Variants in EXOC6B observed in about 807,000 individuals in gnomAD.
The protein encoded by EXOC6B is exocyst complex component 6B.
Under a neutral mutation model 113.5 loss-of-function variants are expected in EXOC6B, and 54 were observed. That is an observed-to-expected ratio of 0.48 (90% CI 0.38 to 0.60). The LOEUF is 0.60. Ranked by LOEUF, EXOC6B falls within the 20% of genes least tolerant of loss-of-function variation. The pLI, the probability that EXOC6B is intolerant of heterozygous loss-of-function variation, is 0.00. For synonymous variants in EXOC6B, 357 were observed against 339.0 expected, an observed-to-expected ratio of 1.05 and a Z score of -0.58; for missense variants, 797 against 977.5, an observed-to-expected ratio of 0.82 and a Z score of 2.46.
intron 18 of EXOC6B, among the ~76,000 whole-genome samples, chr2:72,413,341 TTTCTGACTCAGAAAGTC>T (rs1227674196): frequency 1.3e-5 from 2 of 151,864 alleles, no homozygotes; most frequent in African/African-American, 4.8e-5. Context: ...AATGCCCAAG[TTTCTGACTCAGAAAGTC>T]TGGTATAGGG....
chr2:72,437,030 C>T (rs1695919227), intron 18 of EXOC6B, among the ~76,000 whole-genome samples: 1 of 152,138 alleles, frequency 6.6e-6, no homozygotes, highest in Non-Finnish European at 1.5e-5. Context: ...TTCCTCATCT[C>T]CGTGGATTTA....
chr2:72,535,648 G>A (rs1311782940), intron 8 of EXOC6B, among the ~76,000 whole-genome samples: 2 of 151,828 alleles, frequency 1.3e-5, no homozygotes, highest in Non-Finnish European at 2.9e-5. Context: ...TGAGGCAGGC[G>A]GATCACCTGA....
In EXOC6B at chr2:72,481,214, G is replaced by A. The variant is rs181945494; in HGVS notation, c.1666-464C>T. On this transcript the variant is annotated intron_variant, in intron 16 of 21. Coordinates refer to ENST00000272427, the MANE Select transcript of EXOC6B (RefSeq NM_015189.3). ...TTCCTGAGGCCTCCCAAGCCATGCT[G>A]AACTGTGAGTAAATTAAACCTCTTT... 3.3e-5 allele frequency among the ~76,000 whole-genome samples: 5 copies of A among 152,294 alleles called. No homozygotes were observed. In the East Asian group the frequency reaches 9.6e-4, roughly 29 times the overall value.
intron 20 of EXOC6B, among the ~76,000 whole-genome samples, chr2:72,226,002 CT>C (rs1681215119): frequency 6.6e-6 from 1 of 152,140 alleles, no homozygotes; most frequent in African/African-American, 2.4e-5. Context: ...ATGTGACTCT[CT>C]CGCCACACCC....
At chr2:72,522,218 A>G (rs572091403) in intron 8 of EXOC6B, among the ~76,000 whole-genome samples, 3 of 152,290 alleles carry the variant, frequency 2.0e-5, no homozygotes, top group East Asian at 3.9e-4. Context: ...GCTCTTCTTC[A>G]ATTCACTGGC....
chr2:72,464,866 T>A, intron 18 of EXOC6B: 1 of 364,098 alleles, frequency 2.7e-6, no homozygotes, highest in Non-Finnish European at 4.9e-6. Flanking sequence ...AAGTTTCTTT[T>A]TTTAATTCTA....
At chr2:72,611,329 G>A (rs1671060776) in intron 6 of EXOC6B, among the ~76,000 whole-genome samples, 1 of 151,366 alleles carries the variant, frequency 6.6e-6, no homozygotes, top group Non-Finnish European at 1.5e-5. Context: ...CTGCACTCCA[G>A]TCCCAGGAAA....
chr2:72,579,061 T>C (rs867345308), intron 6 of EXOC6B, among the ~76,000 whole-genome samples: 1 of 152,088 alleles, frequency 6.6e-6, no homozygotes. Flanking sequence ...AAATCTAATA[T>C]ACATCACTAA....
intron 18 of EXOC6B, among the ~76,000 whole-genome samples, chr2:72,397,040 A>C (rs564189947): frequency 6.6e-6 from 1 of 152,050 alleles, no homozygotes; most frequent in East Asian, 1.9e-4. Context: ...TCTCCCTTAT[A>C]CCCCAATAAT....
intron 1 of EXOC6B, among the ~76,000 whole-genome samples, chr2:72,823,718 C>A (rs946302258): frequency 6.6e-6 from 1 of 151,526 alleles, no homozygotes; most frequent in African/African-American, 2.4e-5. Flanking sequence ...GTCGAGGCTG[C>A]AGTGAGCAGT....
chr2:72,409,989 G>A (rs1242812948), intron 18 of EXOC6B, among the ~76,000 whole-genome samples: 2 of 152,148 alleles, frequency 1.3e-5, no homozygotes, highest in Non-Finnish European at 2.9e-5. Context: ...CCCCCACAGA[G>A]GAAGGTGAGG....
At chr2:72,793,015 C>T (rs1684761382) in intron 1 of EXOC6B, among the ~76,000 whole-genome samples, 1 of 152,132 alleles carries the variant, frequency 6.6e-6, no homozygotes, top group African/African-American at 2.4e-5. Context: ...TTCTGCCTTA[C>T]CTATGGTTCA....
chr2:72,491,625 G>C (rs1699750853), intron 16 of EXOC6B, among the ~76,000 whole-genome samples: 1 of 152,046 alleles, frequency 6.6e-6, no homozygotes, highest in Non-Finnish European at 1.5e-5. Flanking sequence ...CCAAGGGAGA[G>C]AACTTCACAT....
chr2:72,486,593 G>T (rs1178276876), intron 16 of EXOC6B, among the ~76,000 whole-genome samples: 2 of 151,992 alleles, frequency 1.3e-5, no homozygotes, highest in East Asian at 1.9e-4. Context: ...CCCTGCATTT[G>T]CTGGGAAAAC....
chr2:72,498,076 T>A (rs1464877016), intron 13 of EXOC6B, among the ~76,000 whole-genome samples: 1 of 152,214 alleles, frequency 6.6e-6, no homozygotes, highest in African/African-American at 2.4e-5. Context: ...GCTCAAATGT[T>A]ACTCACTATA....
chr2:72,319,037 A>C (rs976467265), intron 20 of EXOC6B, among the ~76,000 whole-genome samples: 1 of 152,006 alleles, frequency 6.6e-6, no homozygotes, highest in African/African-American at 2.4e-5. Context: ...AAAACCCATA[A>C]GAATGCTTAC....
intron 18 of EXOC6B, among the ~76,000 whole-genome samples, chr2:72,405,459 C>G (rs1055566714): frequency 6.6e-6 from 1 of 152,174 alleles, no homozygotes; most frequent in Non-Finnish European, 1.5e-5. Flanking sequence ...AGAGAAAGGT[C>G]AGGTTACCCA....
intron 6 of EXOC6B, among the ~76,000 whole-genome samples, chr2:72,650,381 C>T (rs1674073519): frequency 6.6e-6 from 1 of 152,174 alleles, no homozygotes; most frequent in Non-Finnish European, 1.5e-5. Context: ...GCAGGCGGAT[C>T]ACGAGGTCAG....
chr2:72,279,690 T>TG lies in EXOC6B; in HGVS notation c.2196+55256dup, dbSNP rs1372804181. ...GTACAATGGTGTGATCTCAGCTCAC[T>TG]GCAACCTCTGCCTCCCAGGCTCAAG... is the stretch of plus-strand genomic sequence containing the variant. On this transcript the variant is annotated intron_variant, in intron 20 of 21. Coordinates refer to ENST00000272427, the MANE Select transcript of EXOC6B (RefSeq NM_015189.3). Among the ~76,000 whole-genome samples the TG allele has an allele frequency of 2.6e-5, 4 of 152,274 alleles. No homozygotes were observed. In the East Asian group the frequency reaches 7.7e-4, roughly 29 times the overall value.
Sources: allele counts gnomAD v4.1 joint callset (sites outside exome capture counted in the v4.1 genomes callset), GRCh38; gene constraint gnomAD v4.1.1; transcripts MANE v1.5; gene names NCBI Gene and HGNC (gene_info 2026-07-23, HGNC 2026-07-21).